The following RANBP10 variants were observed in gnomAD, a reference collection of about 807,000 sequenced individuals.
RANBP10 encodes RAN binding protein 10, also known as ran-binding protein 10.
RANBP10 carries 24 observed loss-of-function variants against 72.8 expected under a neutral mutation model. The ratio of observed to expected loss-of-function variants is 0.33; its 90% confidence interval spans 0.24 to 0.46. RANBP10 has a LOEUF of 0.46. RANBP10 is among the 20% of genes least tolerant of loss of function. The pLI, the probability that RANBP10 is intolerant of heterozygous loss-of-function variation, is 1.00. For missense variants in RANBP10, 679 were observed against 817.5 expected (o/e 0.83, Z 2.07); for synonymous variants, 310 against 322.3 (o/e 0.96, Z 0.41).
chr16:67,805,380 G>T lies in RANBP10; in HGVS notation c.347+48C>A, dbSNP rs780891702. The T allele has an allele frequency of 2.6e-6, 4 of 1,538,200 alleles. No individual in the cohort carries two copies. In the African/African-American group the frequency reaches 5.5e-5, roughly 21 times the overall value. On this transcript the variant is annotated intron_variant, in intron 2 of 13. Coordinates refer to ENST00000317506, the MANE Select transcript of RANBP10 (RefSeq NM_020850.3). ...CCAAAGGACCTGAACTCTGACCACA[G>T]GGATCAGCTCCATGATCAGGGAAAG...
intron 4 of RANBP10, 42 bp from the exon 5 acceptor site, chr16:67,738,077 G>A: frequency 6.4e-7 from 1 of 1,557,126 alleles, no homozygotes; most frequent in Non-Finnish European, 8.7e-7. Context: ...AGCCCCTGGG[G>A]CTACTCTGCC....
At chr16:67,797,678 C>T (rs1436533803) in intron 2 of RANBP10, among the ~76,000 whole-genome samples, 7 of 152,028 alleles carry the variant, frequency 4.6e-5, no homozygotes, top group African/African-American at 1.7e-4. Context: ...GGTGTCATGG[C>T]ACACGCCTGT....
intron 4 of RANBP10, chr16:67,739,862 G>C (rs2053931919): frequency 6.6e-6 from 1 of 152,180 alleles, no homozygotes; most frequent in African/African-American, 2.4e-5. Context: ...TTGGAAGTGA[G>C]GGTAGAGGGG....
chr16:67,782,226 GC>G (rs2054826465), intron 2 of RANBP10, among the ~76,000 whole-genome samples: 1 of 152,020 alleles, frequency 6.6e-6, no homozygotes, highest in African/African-American at 2.4e-5. Context: ...TGCAACCTCT[GC>G]CTCCCAGGCT....
chr16:67,796,114 C>T (rs1386906089), intron 2 of RANBP10, among the ~76,000 whole-genome samples: 3 of 151,920 alleles, frequency 2.0e-5, no homozygotes, highest in East Asian at 2.0e-4. Context: ...GACAGGGTTT[C>T]GCCATGTCGG....
chr16:67,728,024 A>G (rs1371762491), intron 11 of RANBP10, 128 bp from the exon 12 acceptor site: 24 of 988,198 alleles, frequency 2.4e-5, no homozygotes, highest in Non-Finnish European at 3.5e-5. Flanking sequence ...TGGGAGGAAC[A>G]GGTGAGGCAG....
intron 3 of RANBP10, among the ~76,000 whole-genome samples, chr16:67,770,763 C>T (rs2054593570): frequency 6.6e-6 from 1 of 152,116 alleles, no homozygotes; most frequent in Admixed American, 6.6e-5. Flanking sequence ...TGAAATTAGC[C>T]AGGTGTGGTA....
chr16:67,769,253 G>A (rs1469515306), intron 3 of RANBP10, among the ~76,000 whole-genome samples: 1 of 150,576 alleles, frequency 6.6e-6, no homozygotes, highest in African/African-American at 2.4e-5. Flanking sequence ...ACGAGTCTGG[G>A]CAACCTGGTG....
At chr16:67,726,695 G>A (rs762900323) in intron 13 of RANBP10, 137 bp from the exon 14 acceptor site, 37 of 1,122,688 alleles carry the variant, frequency 3.3e-5, no homozygotes, top group Admixed American at 2.6e-4. Flanking sequence ...GTGTAAGTGT[G>A]TCCCAGCCAC....
chr16:67,744,059 T>C, intron 4 of RANBP10: 1 of 974,570 alleles, frequency 1.0e-6, no homozygotes, highest in Non-Finnish European at 1.2e-6. Context: ...AGGATACTGC[T>C]GTACTCTCAG....
At chr16:67,758,963 T>G (rs932419966) in intron 3 of RANBP10, among the ~76,000 whole-genome samples, 1 of 152,208 alleles carries the variant, frequency 6.6e-6, no homozygotes, top group Non-Finnish European at 1.5e-5. Flanking sequence ...GAACACGCAC[T>G]TGCTGGCCAT....
chr16:67,789,075 T>C (rs2054976346), intron 2 of RANBP10, among the ~76,000 whole-genome samples: 1 of 150,290 alleles, frequency 6.7e-6, no homozygotes, highest in Non-Finnish European at 1.5e-5. Context: ...TTTGGGAGGC[T>C]GAGGCGGGCA....
chr16:67,756,064 G>T (rs1241270215), intron 3 of RANBP10, among the ~76,000 whole-genome samples: 1 of 152,220 alleles, frequency 6.6e-6, no homozygotes, highest in Admixed American at 6.5e-5. Context: ...TTGTCACTCA[G>T]ACAGAAAGTC....
intron 3 of RANBP10, among the ~76,000 whole-genome samples, chr16:67,758,552 T>C (rs10852438): frequency 0.034 from 5,150 of 152,250 alleles, 242 homozygotes; most frequent in African/African-American, 0.11. Context: ...ACAGATCCTC[T>C]GCTGGCACTA....
At chr16:67,794,939 A>C (rs1268479683) in intron 2 of RANBP10, among the ~76,000 whole-genome samples, 22 of 148,744 alleles carry the variant, frequency 1.5e-4, no homozygotes, top group Admixed American at 1.3e-3. Context: ...TTAAAAAAAA[A>C]AAAAAACAAA....
At chr16:67,773,766 G>A (rs896143440) in intron 2 of RANBP10, among the ~76,000 whole-genome samples, 1 of 152,194 alleles carries the variant, frequency 6.6e-6, no homozygotes, top group Non-Finnish European at 1.5e-5. Context: ...TTCATAGTTC[G>A]AAGGGAACTT....
At chr16:67,732,594 AATGAT>A (rs1315864969) in intron 6 of RANBP10, among the ~76,000 whole-genome samples, 1 of 152,202 alleles carries the variant, frequency 6.6e-6, no homozygotes, top group Non-Finnish European at 1.5e-5. Context: ...CTTATTATGA[AATGAT>A]ATATTACATA....
At chr16:67,732,325 G>A (rs2053749204) in intron 6 of RANBP10, among the ~76,000 whole-genome samples, 1 of 152,206 alleles carries the variant, frequency 6.6e-6, no homozygotes, top group Admixed American at 6.5e-5. Context: ...TTTAACCCCA[G>A]CAGAAGCTGG....
At chr16:67,783,438 C>T (rs2054850264) in intron 2 of RANBP10, among the ~76,000 whole-genome samples, 1 of 152,204 alleles carries the variant, frequency 6.6e-6, no homozygotes, top group Non-Finnish European at 1.5e-5. Context: ...GACTTCCCCT[C>T]CTGCCTCCTG....
Sources: allele counts gnomAD v4.1 joint callset (sites outside exome capture counted in the v4.1 genomes callset), GRCh38; gene constraint gnomAD v4.1.1; transcripts MANE v1.5; gene names NCBI Gene and HGNC (gene_info 2026-07-23, HGNC 2026-07-21).